Variants in ANK3 observed in about 807,000 individuals in gnomAD.
ANK3 encodes ankyrin-3.
Under a neutral mutation model 370.9 loss-of-function variants are expected in ANK3, and 57 were observed. That is an observed-to-expected ratio of 0.15 (90% confidence interval 0.12 to 0.19). The LOEUF is 0.19. Ranked by LOEUF, ANK3 falls within the 10% of genes least tolerant of loss-of-function variation. The pLI, the probability that ANK3 is intolerant of heterozygous loss-of-function variation, is 1.00. For synonymous variants in ANK3, 1,929 were observed against 1,946.3 expected (o/e 0.99, Z 0.23); for missense variants, 4,439 against 5,302.1 (o/e 0.84, Z 5.06).
rs2096931543 is a variant in ANK3, at chr10:60,216,045, C to T, written c.898-2535G>A. 3.9e-5 allele frequency among the ~76,000 whole-genome samples: 6 copies of T among 152,086 alleles called. No individual in the cohort carries two copies. The South Asian group carries it at 1.0e-3, about 26-fold the overall frequency. ...TCCTTGAGCAGTGGTTTGTAGTTCT[C>T]CTTGCAGAGGTCCTTCACATCCCTT... On this transcript the variant is annotated intron_variant, in intron 8 of 43. Transcript: ENST00000280772.
At chr10:60,498,938 T>C (rs1440793201) in intron 2 of ANK3, among the ~76,000 whole-genome samples, 1 of 152,252 alleles carries the variant, frequency 6.6e-6, no homozygotes, top group Non-Finnish European at 1.5e-5. Context: ...TTGATTTCAA[T>C]CTATACTTGT....
chr10:60,591,303 T>TTTTTTTTA (rs140837942), intron 2 of ANK3, among the ~76,000 whole-genome samples: 9 of 137,562 alleles, frequency 6.5e-5, no homozygotes, highest in Admixed American at 5.2e-4. Flanking sequence ...TTTATTTTTA[T>TTTTTTTTA]TTTATTTATT....
chr10:60,033,534 A>AC, intron 43 of ANK3, among the ~76,000 whole-genome samples: 12 of 149,782 alleles, frequency 8.0e-5, no homozygotes, highest in African/African-American at 2.5e-4. Flanking sequence ...AAAAAAAAAA[A>AC]AAAAACTTGG....
chr10:60,396,281 A>T (rs548949551), intron 2 of ANK3, among the ~76,000 whole-genome samples: 31 of 152,314 alleles, frequency 2.0e-4, no homozygotes, highest in African/African-American at 7.5e-4. Context: ...GCTTCCTTCC[A>T]TGTTTACATT....
chr10:60,086,856 T>G lies in ANK3; in HGVS notation c.3569A>C (p.Lys1190Thr). Residue 1190 changes from lysine to threonine, a missense_variant, in exon 30 of 44, where the codon AAA (lysine) becomes ACA (threonine). This residue lies in a region of ANK3 where 702 missense variants were observed against 941.5 expected (regional missense o/e 0.75). Transcript: ENST00000280772. Reference protein sequence around the residue: ...QAQPVPDEIVKKILGNKATFS... With the variant: ...QAQPVPDEIVTKILGNKATFS... The stretch of plus-strand genomic sequence containing the variant: ...AGTTGCTTTGTTTCCAAGGATCTTT[T>G]TCACAATTTCATCTGGAACAGGCTG... 1.2e-6 allele frequency: 2 copies of G among 1,613,936 alleles called. No individual in the cohort carries two copies. Among genetic ancestry groups the G allele is most frequent in the African/African-American group, 2.7e-5 (2 of 74,974 alleles).
At chr10:60,516,015 T>C (rs1481893467) in intron 2 of ANK3, among the ~76,000 whole-genome samples, 1 of 151,846 alleles carries the variant, frequency 6.6e-6, no homozygotes, top group East Asian at 1.9e-4. Flanking sequence ...CCAGTTGTGG[T>C]CAATGCTTTG....
intron 1 of ANK3, among the ~76,000 whole-genome samples, chr10:60,657,826 T>C (rs115413439): frequency 0.043 from 6,518 of 152,206 alleles, 177 homozygotes; most frequent in Middle Eastern, 0.075. Context: ...GATGTGTCTG[T>C]AACTATTATA....
intron 2 of ANK3, among the ~76,000 whole-genome samples, chr10:60,536,517 T>C (rs2076728559): frequency 6.6e-6 from 1 of 152,066 alleles, no homozygotes; most frequent in African/African-American, 2.4e-5. Flanking sequence ...TAATAGAGTA[T>C]GTTTCTAAAA....
At chr10:60,250,741 T>A (rs1329114660) in intron 7 of ANK3, among the ~76,000 whole-genome samples, 1 of 152,234 alleles carries the variant, frequency 6.6e-6, no homozygotes, top group Non-Finnish European at 1.5e-5. Context: ...CCAGGAAATA[T>A]ATATCATATG....
rs549978771 is a variant in ANK3 at position 60,188,997 on chromosome 10, A to G, written c.1888-2085T>C. ...CAATGTGTCTAACACTAACCTAACT[A>G]CTTCGAGTGGTAAAGGCAAGATAAA... On this transcript the variant is annotated intron_variant, in intron 16 of 43. Transcript: ENST00000280772. Among the ~76,000 whole-genome samples the G allele has an allele frequency of 1.2e-4, 18 of 152,312 alleles. No homozygotes were observed. The East Asian group carries it at 3.5e-3, about 29-fold the overall frequency.
chr10:60,301,028 A>G (rs532221549), intron 1 of ANK3, among the ~76,000 whole-genome samples: 17 of 151,554 alleles, frequency 1.1e-4, no homozygotes, highest in Non-Finnish European at 1.9e-4. Flanking sequence ...GGCAAATGCA[A>G]CTGATGATCA....
intron 7 of ANK3, among the ~76,000 whole-genome samples, chr10:60,246,255 C>CAAAAAAAAAAAA (rs869144298): frequency 4.3e-5 from 4 of 92,702 alleles, no homozygotes; most frequent in African/African-American, 1.9e-4. Flanking sequence ...AACCCTGTAT[C>CAAAAAAAAAAAA]AAAAAAAAAA....
chr10:60,148,448 T>C lies in ANK3; in HGVS notation c.2615-9361A>G, dbSNP rs535300871. ...TGGATTAAGAAGCAGTAAAGTGCCA[T>C]ACAGGTTTTAAAAAGAAGCACTTTT... is the stretch of plus-strand genomic sequence containing the variant. On this transcript the variant is annotated intron_variant, in intron 23 of 43. Transcript: ENST00000280772. Among the ~76,000 whole-genome samples, 4 of 152,320 alleles carry C rather than the reference T, an allele frequency of 2.6e-5. No homozygotes were observed. In the East Asian group the frequency reaches 5.8e-4, roughly 22 times the overall value.
intron 1 of ANK3, among the ~76,000 whole-genome samples, chr10:60,296,663 A>C (rs187027657): frequency 1.3e-5 from 2 of 152,266 alleles, no homozygotes; most frequent in African/African-American, 4.8e-5. Flanking sequence ...GGGATCAAAT[A>C]ATGAGCAAGT....
intron 2 of ANK3, among the ~76,000 whole-genome samples, chr10:60,599,654 C>T (rs917580405): frequency 4.6e-5 from 7 of 152,192 alleles, no homozygotes; most frequent in Admixed American, 4.6e-4. Flanking sequence ...CAAGGACTCT[C>T]ACAATGATAT....
chr10:60,355,429 T>C (rs2057571057), intron 1 of ANK3, among the ~76,000 whole-genome samples: 1 of 152,200 alleles, frequency 6.6e-6, no homozygotes, highest in South Asian at 2.1e-4. Context: ...CGGGATCCTT[T>C]AGTGGCACCA....
chr10:60,686,952 A>G (rs946917635), intron 1 of ANK3, among the ~76,000 whole-genome samples: 4 of 152,212 alleles, frequency 2.6e-5, no homozygotes, highest in Non-Finnish European at 5.9e-5. Flanking sequence ...GATTATAAAT[A>G]TGCTATTTTT....
intron 15 of ANK3, 34 bp downstream of exon 15, chr10:60,196,493 G>C: frequency 7.2e-7 from 1 of 1,388,288 alleles, no homozygotes; most frequent in Non-Finnish European, 1.0e-6. Flanking sequence ...TATCGTGGAA[G>C]TGGCCTGCTT....
intron 38 of ANK3, among the ~76,000 whole-genome samples, chr10:60,067,181 G>A (rs1170531231): frequency 6.6e-6 from 1 of 152,074 alleles, no homozygotes. Flanking sequence ...CCACAGTACT[G>A]GGATTACAGG....
Sources: gnomAD v4.1 joint callset for allele counts (sites outside exome capture counted in the v4.1 genomes callset) on GRCh38, gnomAD v4.1.1 for gene constraint, gnomAD v4.1.1 regional missense constraint, MANE v1.5 for transcripts, NCBI Gene and HGNC (gene_info 2026-07-23, HGNC 2026-07-21) for gene names.